TLK1: variants seen among roughly 807,000 people sequenced by gnomAD.
The protein encoded by TLK1 is tousled like kinase 1.
A neutral mutation model predicts 105.3 loss-of-function variants in TLK1; 24 were observed. That is an observed-to-expected ratio of 0.23 (90% CI 0.17 to 0.32). The LOEUF (loss-of-function observed/expected upper bound fraction) is 0.32, where lower values mean the gene tolerates loss of function less well. Among genes scored for constraint, TLK1 ranks in the 10% least tolerant of loss-of-function variants. TLK1 has a pLI of 1.00. For missense variants in TLK1, 558 were observed against 910.5 expected, an observed-to-expected ratio of 0.61 and a Z score of 4.98; for synonymous variants, 321 against 310.4, an observed-to-expected ratio of 1.03 and a Z score of -0.36.
chr2:171,049,214 G>A (rs1687110739), intron 10 of TLK1, among the ~76,000 whole-genome samples: 3 of 152,042 alleles, frequency 2.0e-5, no homozygotes, highest in African/African-American at 4.8e-5. Context: ...ATTGTACCCC[G>A]AACCTCAGTA....
chr2:171,104,928 G>A (rs1317344413), intron 2 of TLK1, among the ~76,000 whole-genome samples: 2 of 152,142 alleles, frequency 1.3e-5, no homozygotes, highest in East Asian at 3.8e-4. Context: ...AAGGCACTGG[G>A]AACATTAAAA....
At chr2:171,135,343 A>ATC (rs1553482309) in intron 1 of TLK1, among the ~76,000 whole-genome samples, 1 of 150,218 alleles carries the variant, frequency 6.7e-6, no homozygotes, top group Non-Finnish European at 1.5e-5. Flanking sequence ...ATATATATAT[A>ATC]TCAAAACATG....
rs1470651629 is a variant in TLK1 at position 170,993,681 on chromosome 2, A to AAG, written c.*98_*99insCT. 1.0e-5 allele frequency: 10 copies of AAG among 954,610 alleles called. No individual in the cohort carries two copies. Among genetic ancestry groups the AAG allele is most frequent in the Admixed American group, 7.2e-5 (2 of 27,806 alleles). 59.1% of individuals were successfully genotyped at this position (954,610 alleles called of 1,614,324 possible). A position where few individuals can be genotyped will look rare whatever the true frequency, so the allele number is the denominator to read the frequency against. On this transcript the variant is annotated 3_prime_UTR_variant, in exon 21 of 21. Coordinates refer to ENST00000431350, the MANE Select transcript of TLK1 (RefSeq NM_012290.5). The stretch of plus-strand genomic sequence containing the variant: ...CCACGTCTTGTGTAAAAAAAAAAAA[A>AAG]AAAAAAAAAGAAAAAGAAAACAAAC...
intron 1 of TLK1, among the ~76,000 whole-genome samples, chr2:171,123,610 C>G (rs1227125614): frequency 1.3e-5 from 2 of 152,126 alleles, no homozygotes; most frequent in Non-Finnish European, 2.9e-5. Context: ...GAGTCCGAGA[C>G]CAGCCTGGGC....
intron 12 of TLK1, among the ~76,000 whole-genome samples, chr2:171,026,267 A>G (rs1050453558): frequency 6.6e-6 from 1 of 152,152 alleles, no homozygotes; most frequent in Admixed American, 6.6e-5. Flanking sequence ...AGTGTTCTAC[A>G]ACATTTTACA....
chr2:171,041,814 T>C (rs1326262835), intron 11 of TLK1, among the ~76,000 whole-genome samples: 5 of 152,192 alleles, frequency 3.3e-5, no homozygotes, highest in Non-Finnish European at 5.9e-5. Flanking sequence ...GATAACTAGA[T>C]TCATAACTTG....
rs1683907207 is a variant in TLK1 at position 170,993,720 on chromosome 2, CAAACTT to C, written c.*54_*59del. 8.7e-7 allele frequency: 1 copy of C among 1,155,914 alleles called. No homozygotes were observed. The highest frequency in any genetic ancestry group is 1.2e-6 in the Non-Finnish European group (1 of 862,114). The allele number at this position is 1,155,914 out of a possible 1,614,324, so 71.6% of individuals were successfully genotyped here. ...AAGAAAACAAACACTCAAATGCTCT[CAAACTT>C]AAGTGTGCATCTGGAAGCAAATTCA... On this transcript the variant is annotated 3_prime_UTR_variant, in exon 21 of 21. Transcript: ENST00000431350.
At chr2:171,003,396 A>G (rs1380677298) in intron 18 of TLK1, among the ~76,000 whole-genome samples, 1 of 146,382 alleles carries the variant, frequency 6.8e-6, no homozygotes, top group South Asian at 2.2e-4. Flanking sequence ...GAATTCATTT[A>G]TCTTGGAATG....
intron 11 of TLK1, among the ~76,000 whole-genome samples, chr2:171,039,301 T>C (rs948288339): frequency 2.0e-5 from 3 of 152,238 alleles, no homozygotes; most frequent in African/African-American, 7.2e-5. Context: ...GATCTCACTC[T>C]GTCACCCAGG....
intron 12 of TLK1, among the ~76,000 whole-genome samples, chr2:171,020,880 G>A (rs940086835): frequency 7.9e-5 from 12 of 151,950 alleles, no homozygotes; most frequent in African/African-American, 2.4e-4. Flanking sequence ...AAATATTGGG[G>A]GCTTTCTTTC....
At chr2:171,072,977 T>C (rs534931982) in intron 3 of TLK1, among the ~76,000 whole-genome samples, 21 of 151,868 alleles carry the variant, frequency 1.4e-4, no homozygotes, top group Non-Finnish European at 2.9e-4. Context: ...ATAGTATTTA[T>C]AGCTATTGCA....
chr2:171,152,482 G>A (rs1278997164), intron 1 of TLK1, among the ~76,000 whole-genome samples: 2 of 152,030 alleles, frequency 1.3e-5, no homozygotes, highest in Non-Finnish European at 1.5e-5. Context: ...TCTCAATTAG[G>A]TTTGCTATAT....
intron 1 of TLK1, among the ~76,000 whole-genome samples, chr2:171,223,258 CCCA>C (rs1693840283): frequency 1.3e-5 from 2 of 152,150 alleles, no homozygotes; most frequent in Non-Finnish European, 2.9e-5. Context: ...AATTTACATT[CCCA>C]CCAACAGTGT....
intron 1 of TLK1, among the ~76,000 whole-genome samples, chr2:171,197,846 T>C (rs900296236): frequency 6.6e-6 from 1 of 152,094 alleles, no homozygotes; most frequent in Admixed American, 6.6e-5. Context: ...ATGCAGATGC[T>C]TGGGCTCTAC....
chr2:171,072,749 C>T (rs956756050), intron 3 of TLK1, among the ~76,000 whole-genome samples: 1 of 151,782 alleles, frequency 6.6e-6, no homozygotes, highest in African/African-American at 2.4e-5. Flanking sequence ...GCCTGGGCAA[C>T]AGAACAAAAA....
chr2:171,006,190 C>A lies in TLK1; in HGVS notation c.1861G>T (p.Val621Leu). 6.2e-7 allele frequency: 1 copy of A among 1,610,020 alleles called. No individual in the cohort carries two copies. Among genetic ancestry groups the A allele is most frequent in the Non-Finnish European group, 8.5e-7 (1 of 1,178,368 alleles). Residue 621 changes from valine to leucine, a missense_variant, in exon 18 of 21, where the codon GTA becomes TTA. Physicochemically the swap from Val to Leu is conservative, Grantham distance 32. This residue lies in a region of TLK1 where 218 missense variants were observed against 492.9 expected (regional missense o/e 0.44). Coordinates refer to ENST00000431350, the MANE Select transcript of TLK1 (RefSeq NM_012290.5). ...TGGGAAGTTAGATCCATTCCATCTA[C>A]ACCATAGCTATCATCATCCATAATC... is the stretch of plus-strand genomic sequence containing the variant. ...SKIMDDDSYG[V>L]DGMDLTSQGA...
chr2:171,057,740 A>T (rs1315255027), intron 5 of TLK1, among the ~76,000 whole-genome samples: 2 of 152,096 alleles, frequency 1.3e-5, no homozygotes, highest in African/African-American at 4.8e-5. Flanking sequence ...TTTACTCTTC[A>T]ATTCAGACTT....
intron 1 of TLK1, among the ~76,000 whole-genome samples, chr2:171,174,099 T>A (rs149580574): frequency 1.3e-4 from 20 of 152,326 alleles, no homozygotes; most frequent in African/African-American, 3.4e-4. Context: ...TTCCAACTAG[T>A]CTTTCTAGCA....
Position 170,995,766 on chromosome 2 carries a change from G to C in TLK1, c.2124+887C>G, listed in dbSNP as rs181411097. Among the ~76,000 whole-genome samples, 632 of 152,166 alleles carry C rather than the reference G, an allele frequency of 4.2e-3. 6 individuals are homozygous for C. The highest frequency in any genetic ancestry group is 0.014 in the African/African-American group (571 of 41,510). ...CGCCCATGCAGGAGTGCAGTGGTGC[G>C]ATCTCACCTCACTGCAACCTCTACC... On this transcript the variant is annotated intron_variant, in intron 20 of 20. Transcript: ENST00000431350.
Sources: allele counts gnomAD v4.1 joint callset (sites outside exome capture counted in the v4.1 genomes callset), GRCh38; gene constraint gnomAD v4.1.1; regional missense constraint gnomAD v4.1.1; transcripts MANE v1.5; gene names NCBI Gene and HGNC (gene_info 2026-07-23, HGNC 2026-07-21).